The following LRRK2 variants were observed in gnomAD, a reference collection of about 807,000 sequenced individuals.
LRRK2 encodes the protein leucine-rich repeat serine/threonine-protein kinase 2.
LRRK2 carries 203 observed loss-of-function variants against 302.6 expected under a neutral mutation model. That is an observed-to-expected ratio of 0.67 (90% CI 0.60 to 0.75). The LOEUF is 0.75. Ranked by LOEUF, LRRK2 falls within the 30% of genes least tolerant of loss-of-function variation. LRRK2 has a pLI of 0.00. For missense variants in LRRK2, 2,830 were observed against 2,951.0 expected (o/e 0.96, Z 0.95); for synonymous variants, 1,066 against 1,031.9 (o/e 1.03, Z -0.63).
rs57355300 is a variant in LRRK2 at position 40,298,798 on chromosome 12, T to TATATAA, written c.3347+306_3347+307insTATAAA. 4.8e-4 allele frequency among the ~76,000 whole-genome samples: 45 copies of TATATAA among 94,252 alleles called. 4 individuals are homozygous for TATATAA. Among genetic ancestry groups the TATATAA allele is most frequent in the East Asian group, 1.6e-3 (6 of 3,802 alleles). 61.8% of individuals were successfully genotyped at this position (94,252 alleles called of 152,430 possible). A position where few individuals can be genotyped will look rare whatever the true frequency, so the allele number is the denominator to read the frequency against. On this transcript the variant is annotated intron_variant, in intron 24 of 50. Coordinates refer to ENST00000298910, the MANE Select transcript of LRRK2 (RefSeq NM_198578.4). Reference sequence around the variant, plus strand: ...AAAGAAATATATATATATATATATATAATATATGTATTATAATATATAATA... The same window carrying TATATAA: ...AAAGAAATATATATATATATATATATATATAAAATATATGTATTATAATATATAATA...
intron 49 of LRRK2, chr12:40,365,810 C>T (rs937156555): frequency 2.6e-5 from 4 of 151,876 alleles, no homozygotes; most frequent in Non-Finnish European, 5.9e-5. Flanking sequence ...ATGTGTTTTT[C>T]TAGCACCTTC....
At chr12:40,293,963 A>T (rs529509615) in intron 21 of LRRK2, among the ~76,000 whole-genome samples, 20 of 149,958 alleles carry the variant, frequency 1.3e-4, no homozygotes, top group Middle Eastern at 7.0e-3. Flanking sequence ...TCAGAACTCC[A>T]TGTCTGAAAA....
intron 25 of LRRK2, chr12:40,301,210 C>A: frequency 2.4e-6 from 1 of 418,346 alleles, no homozygotes; most frequent in South Asian, 1.7e-5. Context: ...TGAGCAGGAC[C>A]ACTAACCATT....
chr12:40,250,556 A>G (rs961256658), intron 8 of LRRK2, among the ~76,000 whole-genome samples: 1 of 152,194 alleles, frequency 6.6e-6, no homozygotes, highest in African/African-American at 2.4e-5. Flanking sequence ...GGTTTTTCAC[A>G]TAGGTAGACG....
intron 14 of LRRK2, among the ~76,000 whole-genome samples, chr12:40,273,675 A>G (rs1943328011): frequency 6.6e-6 from 1 of 152,182 alleles, no homozygotes; most frequent in Non-Finnish European, 1.5e-5. Context: ...AGTGTCTGCA[A>G]AACATCATCT....
chr12:40,235,736 T>C, intron 4 of LRRK2, 22 bp downstream of exon 4: 1 of 1,418,594 alleles, frequency 7.0e-7, no homozygotes, highest in South Asian at 1.2e-5. Flanking sequence ...ATATGTTTTT[T>C]GTGTTGATTC....
intron 42 of LRRK2, among the ~76,000 whole-genome samples, chr12:40,347,229 G>A (rs1434792911): frequency 6.6e-6 from 1 of 152,134 alleles, no homozygotes; most frequent in Non-Finnish European, 1.5e-5. Flanking sequence ...GAATTACTGT[G>A]TACTCATTAT....
intron 4 of LRRK2, among the ~76,000 whole-genome samples, chr12:40,236,871 G>A (rs779470378): frequency 6.0e-5 from 9 of 151,248 alleles, no homozygotes; most frequent in Non-Finnish European, 1.2e-4. Flanking sequence ...TTTTTTTGAC[G>A]GAGATTCATT....
intron 37 of LRRK2, 66 bp downstream of exon 37, chr12:40,322,576 A>G: frequency 1.5e-6 from 2 of 1,374,556 alleles, no homozygotes; most frequent in Non-Finnish European, 2.1e-6. Flanking sequence ...GTGACTTTTA[A>G]TAAATGTAAA....
chr12:40,233,661 C>A (rs536705805), intron 3 of LRRK2, among the ~76,000 whole-genome samples: 8 of 152,334 alleles, frequency 5.3e-5, no homozygotes, highest in Non-Finnish European at 1.0e-4. Context: ...GGAATTGTAA[C>A]TTTAAATGTC....
chr12:40,356,736 G>A (rs1468548492), intron 46 of LRRK2, among the ~76,000 whole-genome samples: 1 of 151,992 alleles, frequency 6.6e-6, no homozygotes, highest in Non-Finnish European at 1.5e-5. Context: ...ATAACCCTTA[G>A]GTTATTTCTT....
chr12:40,296,553 TC>T (rs1228004331), intron 23 of LRRK2, among the ~76,000 whole-genome samples: 1 of 151,674 alleles, frequency 6.6e-6, no homozygotes, highest in Non-Finnish European at 1.5e-5. Context: ...GATTGCCTGA[TC>T]CTGGGAGGCA....
chr12:40,306,553 A>G (rs1196742751), intron 28 of LRRK2, among the ~76,000 whole-genome samples: 2 of 152,146 alleles, frequency 1.3e-5, no homozygotes, highest in East Asian at 1.9e-4. Flanking sequence ...CTTTCAGCAC[A>G]TCGGTCTTAT....
rs1194977332 is a variant in LRRK2 at position 40,298,390 on chromosome 12, T to C, written c.3244T>C (p.Cys1082Arg). The C allele has an allele frequency of 4.3e-6, 7 of 1,613,958 alleles. No homozygotes were observed. The South Asian group carries it at 6.6e-5, about 15-fold the overall frequency. Residue 1082 changes from cysteine to arginine, a missense_variant, in exon 24 of 51, where the codon TGT becomes CGT. This residue lies in a region of LRRK2 where 2,121 missense variants were observed against 2,148.0 expected (regional missense o/e 0.99). Transcript: ENST00000298910. Reference protein sequence around the residue: ...PSVVLDPTVKCPTLKQFNLSY... With the variant: ...PSVVLDPTVKRPTLKQFNLSY... Reference sequence around the variant, plus strand: ...AGTGGTTTTAGATCCTACAGTGAAATGTCCAACTCTGAAACAGTTTAACCT... The same window carrying C: ...AGTGGTTTTAGATCCTACAGTGAAACGTCCAACTCTGAAACAGTTTAACCT...
At chr12:40,294,989 T>C in intron 22 of LRRK2, 75 bp downstream of exon 22, 1 of 891,454 alleles carries the variant, frequency 1.1e-6, no homozygotes, top group Non-Finnish European at 1.8e-6. Flanking sequence ...TTTCCTCCAA[T>C]TATTCAAATA....
At chr12:40,314,841 G>A (rs1945162175) in intron 32 of LRRK2, among the ~76,000 whole-genome samples, 1 of 151,912 alleles carries the variant, frequency 6.6e-6, no homozygotes, top group Non-Finnish European at 1.5e-5. Flanking sequence ...TTTCCCCATC[G>A]TTCTTAAGGT....
intron 41 of LRRK2, 98 bp from the exon 42 acceptor site, chr12:40,346,655 C>T (rs1487567530): frequency 1.8e-6 from 2 of 1,108,690 alleles, no homozygotes; most frequent in African/African-American, 3.1e-5. Flanking sequence ...ACATCTCTTC[C>T]TGACTCTCTT....
Position 40,340,451 on chromosome 12 carries a change from C to G in LRRK2, c.6106C>G (p.Pro2036Ala). 1.2e-6 allele frequency: 2 copies of G among 1,613,710 alleles called. No individual in the cohort carries two copies. The highest frequency in any genetic ancestry group is 2.2e-5 in the South Asian group (2 of 91,078). ...GGGGATAAAAACATCAGAGGGCACA[C>G]CAGGTAGGTGATCAGGTCTGTCTCA... ...RMGIKTSEGT[P>A]GFRAPEVARG... The change falls in exon 41 of 51, where the codon CCA (proline) becomes GCA (alanine). Residue 2036 changes from proline to alanine, a missense_variant. This residue lies in a region of LRRK2 where 253 missense variants were observed against 346.7 expected (regional missense o/e 0.73). Transcript: ENST00000298910.
chr12:40,345,748 C>A (rs985966245), intron 41 of LRRK2, among the ~76,000 whole-genome samples: 1 of 151,628 alleles, frequency 6.6e-6, no homozygotes, highest in Non-Finnish European at 1.5e-5. Context: ...GCTCTCTTTG[C>A]GTATGAATGA....
Sources: gnomAD v4.1 joint callset for allele counts (sites outside exome capture counted in the v4.1 genomes callset) on GRCh38, gnomAD v4.1.1 for gene constraint, gnomAD v4.1.1 regional missense constraint, MANE v1.5 for transcripts, NCBI Gene and HGNC (gene_info 2026-07-23, HGNC 2026-07-21) for gene names.